RPRD2: variants seen among roughly 807,000 people sequenced by gnomAD.
RPRD2 encodes regulation of nuclear pre-mRNA domain containing 2.
A neutral mutation model predicts 104.4 loss-of-function variants in RPRD2; 12 were observed. The observed-to-expected ratio is 0.11, with a 90% confidence interval of 0.07 to 0.19. The LOEUF (loss-of-function observed/expected upper bound fraction) is 0.19, where lower values mean the gene tolerates loss of function less well. RPRD2 is among the 10% of genes least tolerant of loss of function. RPRD2 has a pLI of 1.00. For missense variants in RPRD2, 1,543 were observed against 1,790.1 expected, an observed-to-expected ratio of 0.86 and a Z score of 2.49; for synonymous variants, 714 against 684.9, an observed-to-expected ratio of 1.04 and a Z score of -0.66.
chr1:150,471,099 C>A lies in RPRD2; in HGVS notation c.2151C>A (p.Ile717=), dbSNP rs367962034. 4 of 1,613,888 alleles carry A rather than the reference C, an allele frequency of 2.5e-6. No individual in the cohort carries two copies. Among genetic ancestry groups the A allele is most frequent in the African/African-American group, 2.7e-5 (2 of 74,932 alleles). The stretch of plus-strand genomic sequence containing the variant: ...AGCGTGGCCCTACTAGCACCTCAAT[C>A]GACAACATTGATGGAACCCCTGTAC... ...DFQRGPTSTS[I]DNIDGTPVRD... is the part of the protein sequence containing the mutation. Residue 717 remains isoleucine (I), a synonymous_variant, in exon 11 of 11, where the codon ATC becomes ATA. Transcript: ENST00000369068. This position sits in a 1 kb window ranked among gnomAD's most constrained non-coding sequence, Gnocchi z 5.3.
chr1:150,410,423 A>G (rs587758188), intron 1 of RPRD2, among the ~76,000 whole-genome samples: 1 of 152,286 alleles, frequency 6.6e-6, no homozygotes, highest in African/African-American at 2.4e-5. Context: ...GCAAAAGATG[A>G]TAGTGACTTA....
chr1:150,394,504 C>T (rs1553883767), intron 1 of RPRD2, among the ~76,000 whole-genome samples: 1 of 152,158 alleles, frequency 6.6e-6, no homozygotes, highest in Non-Finnish European at 1.5e-5. Context: ...AGAGATAGAG[C>T]TGATGCGGCA....
chr1:150,417,445 C>T, intron 1 of RPRD2, 151 bp from the exon 2 acceptor site: 1 of 573,902 alleles, frequency 1.7e-6, no homozygotes, highest in East Asian at 2.9e-5. Context: ...TCCTTCCTCC[C>T]TTCCATCCAT....
chr1:150,409,672 G>T (rs1663751993), intron 1 of RPRD2, among the ~76,000 whole-genome samples: 1 of 121,602 alleles, frequency 8.2e-6, no homozygotes, highest in African/African-American at 2.9e-5. Flanking sequence ...TTTTTGAGTC[G>T]GAGTCTTGCT....
intron 1 of RPRD2, among the ~76,000 whole-genome samples, chr1:150,366,760 C>G (rs1659873736): frequency 6.6e-6 from 1 of 152,142 alleles, no homozygotes; most frequent in African/African-American, 2.4e-5. Context: ...GCAAACAGTT[C>G]TAATGTGAGT....
At chr1:150,451,397 G>A (rs12120775) in intron 7 of RPRD2, among the ~76,000 whole-genome samples, 33,559 of 151,800 alleles carry the variant, frequency 0.22, 4,185 homozygotes, top group African/African-American at 0.32. Context: ...ACCCCAGGCC[G>A]GGCGCAGTGG....
chr1:150,368,942 C>T (rs1478790704), intron 1 of RPRD2, among the ~76,000 whole-genome samples: 1 of 152,144 alleles, frequency 6.6e-6, no homozygotes, highest in Non-Finnish European at 1.5e-5. Context: ...CAATTGCTGT[C>T]ACATCATCTT....
chr1:150,381,312 C>T (rs1384788828), intron 1 of RPRD2, among the ~76,000 whole-genome samples: 1 of 151,510 alleles, frequency 6.6e-6, no homozygotes, highest in Non-Finnish European at 1.5e-5. Context: ...GTCCTAGCTA[C>T]TCAGGAGCCT....
chr1:150,369,136 A>G (rs1403714728), intron 1 of RPRD2, among the ~76,000 whole-genome samples: 1 of 152,238 alleles, frequency 6.6e-6, no homozygotes, highest in African/African-American at 2.4e-5. Context: ...AACTTAAGGA[A>G]CAGAATTGCT....
chr1:150,417,877 G>A (rs1333071735), intron 2 of RPRD2, among the ~76,000 whole-genome samples, 152 bp downstream of exon 2: 7 of 151,892 alleles, frequency 4.6e-5, no homozygotes, highest in Admixed American at 2.0e-4. Flanking sequence ...GTTAACACAC[G>A]TTTTTCTTTC....
intron 1 of RPRD2, among the ~76,000 whole-genome samples, chr1:150,377,737 T>C (rs1660829695): frequency 6.6e-6 from 1 of 152,196 alleles, no homozygotes; most frequent in African/African-American, 2.4e-5. Context: ...TGGATCCTTA[T>C]TGTTTACTGA....
At chr1:150,410,418 A>AGATGATAGT (rs1178840215) in intron 1 of RPRD2, among the ~76,000 whole-genome samples, 1 of 152,126 alleles carries the variant, frequency 6.6e-6, no homozygotes, top group Non-Finnish European at 1.5e-5. Flanking sequence ...TTCAAGCAAA[A>AGATGATAGT]GATGATAGTG....
In RPRD2 at chr1:150,460,180, C is replaced by A; in HGVS notation, c.1274C>A (p.Ala425Glu). ...SCTPVPVTMTATPPLPKPVNT... is the reference protein window; with the variant it reads ...SCTPVPVTMTETPPLPKPVNT... ...ACCCCAGTGCCTGTGACCATGACAG[C>A]AACTCCACCTCTTCCAAAGCCTGTG... The change falls in exon 9 of 11, where the codon GCA becomes GAA. Residue 425 changes from alanine to glutamate, a missense_variant. This residue lies in a region of RPRD2 where 572 missense variants were observed against 787.3 expected (regional missense o/e 0.73). Coordinates refer to ENST00000369068, the MANE Select transcript of RPRD2 (RefSeq NM_015203.5). 6.2e-7 allele frequency: 1 copy of A among 1,613,952 alleles called. No homozygotes were observed. Among genetic ancestry groups the A allele is most frequent in the Non-Finnish European group, 8.5e-7 (1 of 1,179,880 alleles).
intron 2 of RPRD2, among the ~76,000 whole-genome samples, chr1:150,417,929 TCTTTCTTC>T (rs1349173508): frequency 2.0e-4 from 30 of 151,996 alleles, no homozygotes; most frequent in African/African-American, 6.7e-4. Flanking sequence ...TCTCTTTCTT[TCTTTCTTC>T]CTTTCCTTTC....
chr1:150,401,576 C>T (rs587754936), intron 1 of RPRD2, among the ~76,000 whole-genome samples: 14 of 152,266 alleles, frequency 9.2e-5, no homozygotes, highest in African/African-American at 2.6e-4. Context: ...CTCCTGGACT[C>T]AAGCAATCCA....
chr1:150,471,322 T>G lies in RPRD2; in HGVS notation c.2374T>G (p.Phe792Val). 1 of 1,613,392 alleles carries G rather than the reference T, an allele frequency of 6.2e-7. No homozygotes were observed. The highest frequency in any genetic ancestry group is 8.5e-7 in the Non-Finnish European group (1 of 1,179,770). ...LSNSVSTYRP[F>V]GLGSESPYKQ... Reference sequence around the variant, plus strand: ...CAATTCTGTATCTACATATCGACCCTTTGGTCTGGGCAGTGAATCTCCCTA... The same window carrying G: ...CAATTCTGTATCTACATATCGACCCGTTGGTCTGGGCAGTGAATCTCCCTA... The change falls in exon 11 of 11, where the codon TTT (phenylalanine) becomes GTT (valine). Residue 792 changes from phenylalanine (F) to valine (V), a missense_variant. Phe to Val is a conservative substitution (Grantham distance 50, BLOSUM62 -1). Around this residue, in one of 4 missense-constraint regions of RPRD2, gnomAD observed 880 missense variants for 885.6 expected, o/e 0.99. Coordinates refer to ENST00000369068, the MANE Select transcript of RPRD2 (RefSeq NM_015203.5). The surrounding 1 kb of genome is among the most constrained non-coding windows in gnomAD (Gnocchi z 5.3).
intron 2 of RPRD2, among the ~76,000 whole-genome samples, chr1:150,432,006 T>C (rs1324237719): frequency 6.6e-6 from 1 of 151,828 alleles, no homozygotes; most frequent in Non-Finnish European, 1.5e-5. Flanking sequence ...TTTGGGAAAA[T>C]AAAGTTTTGG....
At chr1:150,395,258 G>T (rs1366123917) in intron 1 of RPRD2, among the ~76,000 whole-genome samples, 1 of 152,058 alleles carries the variant, frequency 6.6e-6, no homozygotes, top group African/African-American at 2.4e-5. Context: ...TATGATGTTT[G>T]GTTTTCCATT....
chr1:150,453,869 G>A (rs1553897106), intron 7 of RPRD2, among the ~76,000 whole-genome samples: 2 of 152,116 alleles, frequency 1.3e-5, no homozygotes, highest in African/African-American at 4.8e-5. Flanking sequence ...CAGATATTGA[G>A]GCTGGTCATA....
Sources: gnomAD v4.1 joint callset for allele counts (sites outside exome capture counted in the v4.1 genomes callset) on GRCh38, gnomAD v4.1.1 for gene constraint, gnomAD v4.1.1 regional missense constraint, Gnocchi (gnomAD v3.1) non-coding constraint, MANE v1.5 for transcripts, NCBI Gene and HGNC (gene_info 2026-07-23, HGNC 2026-07-21) for gene names.